The following SAMD12 variants were observed in gnomAD, a reference collection of about 807,000 sequenced individuals.
The protein encoded by SAMD12 is sterile alpha motif domain-containing protein 12.
In SAMD12, 9 loss-of-function variants were observed where a neutral mutation model predicts 15.0. That is an observed-to-expected ratio of 0.60 (90% CI 0.36 to 1.05). The LOEUF (loss-of-function observed/expected upper bound fraction) is 1.05. SAMD12 is among the 50% of genes least tolerant of loss of function. The probability of loss-of-function intolerance (pLI) is 0.01; values close to 1 mark genes in which losing one functional copy is unlikely to be tolerated. For missense variants in SAMD12, 230 were observed against 234.2 expected (o/e 0.98, Z 0.12); for synonymous variants, 86 against 90.1 (o/e 0.96, Z 0.25).
the SAMD12 span, among the ~76,000 whole-genome samples, chr8:118,181,903 T>C: frequency 1.3e-5 from 2 of 152,358 alleles, no homozygotes; most frequent in African/African-American, 4.8e-5. Flanking sequence ...GGTTGGTTGC[T>C]AGAGGGCTTT....
intron 2 of SAMD12, among the ~76,000 whole-genome samples, chr8:118,554,511 C>T (rs1471052406): frequency 5.0e-5 from 7 of 139,154 alleles, no homozygotes; most frequent in Non-Finnish European, 7.5e-5. Flanking sequence ...GGAAGGGGAA[C>T]ATCACACTCT....
intron 4 of SAMD12, among the ~76,000 whole-genome samples, chr8:118,245,722 C>T (rs924175081): frequency 6.6e-6 from 1 of 152,118 alleles, no homozygotes; most frequent in African/African-American, 2.4e-5. Context: ...ACTGGCAAAA[C>T]ATTCTCTTTT....
chr8:118,337,670 C>T (rs1817151706), intron 4 of SAMD12, among the ~76,000 whole-genome samples: 1 of 152,166 alleles, frequency 6.6e-6, no homozygotes, highest in South Asian at 2.1e-4. Flanking sequence ...GTAGACACTC[C>T]CTCCTTAGTC....
intron 4 of SAMD12, among the ~76,000 whole-genome samples, chr8:118,271,748 A>G (rs1343265325): frequency 1.3e-5 from 2 of 152,238 alleles, no homozygotes; most frequent in Non-Finnish European, 2.9e-5. Flanking sequence ...CCAATAGGGC[A>G]GTCATTAAAC....
chr8:118,158,817 G>C, the SAMD12 span, among the ~76,000 whole-genome samples: 3 of 152,238 alleles, frequency 2.0e-5, no homozygotes, highest in South Asian at 6.2e-4. Context: ...GTGGAGAGGA[G>C]CTACCCAGTG....
chr8:118,165,569 T>C, the SAMD12 span, among the ~76,000 whole-genome samples: 1 of 147,158 alleles, frequency 6.8e-6, no homozygotes, highest in Admixed American at 6.9e-5. Context: ...AAAATATGTA[T>C]TTCTTATCAT....
At chr8:118,250,034 C>T (rs1234321973) in intron 4 of SAMD12, among the ~76,000 whole-genome samples, 4 of 152,060 alleles carry the variant, frequency 2.6e-5, no homozygotes, top group African/African-American at 9.7e-5. Context: ...GCAGATCTCA[C>T]CTGGGTCTTC....
At chr8:118,609,184 A>G (rs1024678591) in intron 1 of SAMD12, among the ~76,000 whole-genome samples, 2 of 152,218 alleles carry the variant, frequency 1.3e-5, no homozygotes, top group Non-Finnish European at 2.9e-5. Flanking sequence ...GGGTGGTCAT[A>G]GTGTGGTGGG....
At chr8:118,231,473 C>T (rs1812309136) in intron 4 of SAMD12, among the ~76,000 whole-genome samples, 1 of 152,182 alleles carries the variant, frequency 6.6e-6, no homozygotes, top group African/African-American at 2.4e-5. Flanking sequence ...CAGGCACTGT[C>T]ATTCAACTAG....
At chr8:118,424,080 C>A (rs1256903678) in intron 3 of SAMD12, among the ~76,000 whole-genome samples, 1 of 152,022 alleles carries the variant, frequency 6.6e-6, no homozygotes, top group Non-Finnish European at 1.5e-5. Flanking sequence ...AAAAAACACA[C>A]TGGGCAAGGC....
chr8:118,225,578 C>A (rs1471142495), intron 4 of SAMD12, among the ~76,000 whole-genome samples: 1 of 152,106 alleles, frequency 6.6e-6, no homozygotes, highest in East Asian at 1.9e-4. Flanking sequence ...TGGGCCAGAA[C>A]CTTTCTGGAG....
chr8:118,542,825 G>A (rs951463637), intron 2 of SAMD12, among the ~76,000 whole-genome samples: 3 of 152,122 alleles, frequency 2.0e-5, no homozygotes, highest in Non-Finnish European at 2.9e-5. Flanking sequence ...ACAGAACCAC[G>A]GACTTCCCAA....
downstream of SAMD12, among the ~76,000 whole-genome samples, chr8:118,185,599 T>C (rs1167889222): frequency 6.6e-6 from 1 of 152,216 alleles, no homozygotes; most frequent in Non-Finnish European, 1.5e-5. Context: ...GATAAGTTTG[T>C]ACAAAATTAG....
chr8:118,308,828 C>G (rs920413560), intron 4 of SAMD12, among the ~76,000 whole-genome samples: 1 of 151,918 alleles, frequency 6.6e-6, no homozygotes, highest in Admixed American at 6.6e-5. Context: ...TATTCTGCAC[C>G]CTGCTTGTCA....
At chr8:118,332,352 A>G (rs557176077) in intron 4 of SAMD12, among the ~76,000 whole-genome samples, 1 of 152,364 alleles carries the variant, frequency 6.6e-6, no homozygotes, top group East Asian at 1.9e-4. Flanking sequence ...ACTCATATGA[A>G]TGAACACTGA....
intron 2 of SAMD12, among the ~76,000 whole-genome samples, chr8:118,536,034 G>C (rs540384460): frequency 6.6e-6 from 1 of 152,160 alleles, no homozygotes; most frequent in Non-Finnish European, 1.5e-5. Context: ...TGTCTTCTGC[G>C]TCGCTCACGC....
intron 1 of SAMD12, among the ~76,000 whole-genome samples, chr8:118,583,699 T>C (rs1827353563): frequency 6.6e-6 from 1 of 152,198 alleles, no homozygotes; most frequent in Non-Finnish European, 1.5e-5. Flanking sequence ...TTTGGGAGGC[T>C]AAGTCCTATT....
chr8:118,516,648 T>TTA (rs1356529139), intron 2 of SAMD12, among the ~76,000 whole-genome samples: 3 of 151,596 alleles, frequency 2.0e-5, no homozygotes, highest in Non-Finnish European at 4.4e-5. Context: ...CTTTTTTTTT[T>TTA]TTTGGAGATG....
At chr8:118,143,489 C>A in the SAMD12 span, among the ~76,000 whole-genome samples, 2 of 152,158 alleles carry the variant, frequency 1.3e-5, no homozygotes, top group Non-Finnish European at 2.9e-5. Context: ...TGGCATCTAC[C>A]TGTGTACTTT....
Sources: gnomAD v4.1 joint callset for allele counts (sites outside exome capture counted in the v4.1 genomes callset) on GRCh38, gnomAD v4.1.1 for gene constraint, MANE v1.5 for transcripts, NCBI Gene and HGNC (gene_info 2026-07-23, HGNC 2026-07-21) for gene names.